The following DMD variants were observed in gnomAD, a reference collection of about 807,000 sequenced individuals.
DMD encodes the protein dystrophin.
A neutral mutation model predicts 330.1 loss-of-function variants in DMD; 63 were observed. The ratio of observed to expected loss-of-function variants is 0.19; its 90% confidence interval spans 0.16 to 0.24. The LOEUF (loss-of-function observed/expected upper bound fraction) is 0.24, where lower values mean the gene tolerates loss of function less well. Ranked by LOEUF, DMD falls within the 10% of genes least tolerant of loss-of-function variation. The pLI is 1.00. For missense variants in DMD, 3,344 were observed against 2,684.1 expected (o/e 1.25, Z -5.43); for synonymous variants, 1,223 against 959.8 (o/e 1.27, Z -5.07).
intron 43 of DMD, among the ~76,000 whole-genome samples, chrX:32,226,935 A>G (rs1173401652): frequency 9.1e-6 from 1 of 109,964 alleles, no homozygotes; most frequent in Non-Finnish European, 1.9e-5. Context: ...AATAAAAGAC[A>G]CAAAATGATG....
chrX:32,623,164 G>A (rs1172379860), intron 11 of DMD, among the ~76,000 whole-genome samples: 1 of 111,577 alleles, frequency 9.0e-6, no homozygotes, highest in Non-Finnish European at 1.9e-5. Context: ...AACTAGTAAT[G>A]AAGAGGACGC....
chrX:32,819,005 GTT>G (rs55923814), intron 5 of DMD, among the ~76,000 whole-genome samples: 25 of 69,833 alleles, frequency 3.6e-4, no homozygotes, highest in East Asian at 1.3e-3. Flanking sequence ...TTCTACAGGT[GTT>G]TTTTTTTTTT....
chrX:31,462,048 G>A (rs988249785), intron 59 of DMD, among the ~76,000 whole-genome samples: 6 of 111,787 alleles, frequency 5.4e-5, no homozygotes, highest in African/African-American at 9.7e-5. Context: ...GCATTATGTC[G>A]GTAGCTGGAG....
intron 67 of DMD, among the ~76,000 whole-genome samples, chrX:31,191,753 C>T (rs760833644): frequency 1.8e-5 from 2 of 111,496 alleles, no homozygotes; most frequent in African/African-American, 3.3e-5. Context: ...TTATCAGCAG[C>T]GTGAAAACGG....
At chrX:32,952,103 TG>T (rs1206029636) in intron 2 of DMD, among the ~76,000 whole-genome samples, 1 of 110,544 alleles carries the variant, frequency 9.0e-6, no homozygotes, top group African/African-American at 3.3e-5. Flanking sequence ...AAACCATGTA[TG>T]AATGCCAGCA....
intron 30 of DMD, among the ~76,000 whole-genome samples, chrX:32,394,921 A>AAAAAAAAAC (rs1557326841): frequency 0.26 from 15,253 of 57,600 alleles, 2,468 homozygotes; most frequent in East Asian, 0.41. Context: ...AAAAACAAAA[A>AAAAAAAAAC]AAAAAAAAAA....
intron 1 of DMD, among the ~76,000 whole-genome samples, chrX:33,194,565 A>T (rs1012240791): frequency 1.8e-5 from 2 of 111,951 alleles, no homozygotes; most frequent in Non-Finnish European, 3.8e-5. Context: ...TTGAAATTTT[A>T]TAAGTCAAAA....
chrX:32,121,033 A>G (rs1284474302), intron 44 of DMD, among the ~76,000 whole-genome samples: 2 of 112,179 alleles, frequency 1.8e-5, no homozygotes, highest in African/African-American at 3.2e-5. Context: ...TGAAATAGGT[A>G]GAGAACAAGC....
intron 47 of DMD, among the ~76,000 whole-genome samples, chrX:31,880,377 G>A (rs1246506366): frequency 9.0e-6 from 1 of 111,070 alleles, no homozygotes; most frequent in Non-Finnish European, 1.9e-5. Flanking sequence ...CAGACACAGG[G>A]TAATAATTTT....
intron 57 of DMD, among the ~76,000 whole-genome samples, chrX:31,483,038 A>ATC (rs1382721427): frequency 1.1e-5 from 1 of 92,952 alleles, no homozygotes; most frequent in African/African-American, 4.2e-5. Flanking sequence ...AAGGAAATGG[A>ATC]TCTTTTTTTT....
At chrX:33,156,940 A>G (rs943498262) in intron 1 of DMD, among the ~76,000 whole-genome samples, 1 of 111,780 alleles carries the variant, frequency 8.9e-6, no homozygotes, top group Non-Finnish European at 1.9e-5. Flanking sequence ...CTTTGAAATT[A>G]TTACTCTAGT....
chrX:32,365,852 A>G (rs562063311), intron 34 of DMD, among the ~76,000 whole-genome samples: 44 of 111,949 alleles, frequency 3.9e-4, no homozygotes, highest in African/African-American at 1.4e-3. Context: ...CATAACTGGT[A>G]TTTTTAAGTA....
chrX:32,366,929 T>C (rs1157368847), intron 34 of DMD, among the ~76,000 whole-genome samples: 1 of 112,429 alleles, frequency 8.9e-6, no homozygotes, highest in Non-Finnish European at 1.9e-5. Flanking sequence ...ACTCGACAGC[T>C]ATCATGCATG....
chrX:32,943,233 G>C (rs1000718714), intron 2 of DMD, among the ~76,000 whole-genome samples: 1 of 111,377 alleles, frequency 9.0e-6, no homozygotes, highest in Non-Finnish European at 1.9e-5. Flanking sequence ...ATCATGTACA[G>C]ATAATTTGAT....
intron 55 of DMD, among the ~76,000 whole-genome samples, chrX:31,624,440 TTATGATTATTG>T (rs750303931): frequency 8.9e-6 from 1 of 112,309 alleles, no homozygotes; most frequent in South Asian, 3.7e-4. Flanking sequence ...AATCTATGAA[TTATGATTATTG>T]CTGAGAGAAT....
intron 38 of DMD, among the ~76,000 whole-genome samples, chrX:32,346,993 A>G (rs971414144): frequency 2.7e-5 from 3 of 111,719 alleles, no homozygotes; most frequent in Non-Finnish European, 5.7e-5. Flanking sequence ...AATAAATTTC[A>G]AAAGTCACAA....
chrX:32,951,306 T>G lies in DMD; in HGVS notation c.93+68833A>C, dbSNP rs565263712. ...ATTCAGCTTTATATTTGACAGTTAT[T>G]TATATTTCTGGCCCTACAGACTCTG... is the stretch of plus-strand genomic sequence containing the variant. On this transcript the variant is annotated intron_variant, in intron 2 of 78. Transcript: ENST00000357033. 9.0e-5 allele frequency among the ~76,000 whole-genome samples: 10 copies of G among 111,694 alleles called. No individual in the cohort carries two copies. The South Asian group carries it at 3.8e-3, about 42-fold the overall frequency.
At chrX:32,433,654 G>T (rs1288370175) in intron 29 of DMD, among the ~76,000 whole-genome samples, 1 of 111,050 alleles carries the variant, frequency 9.0e-6, no homozygotes, top group Non-Finnish European at 1.9e-5. Flanking sequence ...CTCTAGCCTG[G>T]GCAACAGGGA....
intron 47 of DMD, among the ~76,000 whole-genome samples, chrX:31,886,905 T>G (rs1050458149): frequency 8.9e-5 from 10 of 112,181 alleles, no homozygotes; most frequent in African/African-American, 2.9e-4. Flanking sequence ...ACATGTATAC[T>G]TCTATAGAAA....
Sources: gnomAD v4.1 joint callset for allele counts (sites outside exome capture counted in the v4.1 genomes callset) on GRCh38, gnomAD v4.1.1 for gene constraint, MANE v1.5 for transcripts, NCBI Gene and HGNC (gene_info 2026-07-23, HGNC 2026-07-21) for gene names.